Variants in PHF21A observed in about 807,000 individuals in gnomAD.
PHF21A encodes the protein BHC80a.
In PHF21A, 11 loss-of-function variants were observed where a neutral mutation model predicts 82.5. The ratio of observed to expected loss-of-function variants is 0.13; its 90% confidence interval spans 0.08 to 0.22. PHF21A has a LOEUF of 0.22. PHF21A is among the 10% of genes least tolerant of loss of function. PHF21A has a pLI of 1.00. For synonymous variants in PHF21A, 297 were observed against 302.8 expected, an observed-to-expected ratio of 0.98 and a Z score of 0.20; for missense variants, 579 against 837.8, an observed-to-expected ratio of 0.69 and a Z score of 3.81.
At chr11:45,964,574 T>G (rs560671963) in intron 10 of PHF21A, among the ~76,000 whole-genome samples, 2 of 152,310 alleles carry the variant, frequency 1.3e-5, no homozygotes, top group African/African-American at 2.4e-5. Context: ...TAAAGCAACT[T>G]TCTTGAGAGA....
chr11:46,096,142 T>C (rs1028029766), intron 1 of PHF21A, among the ~76,000 whole-genome samples: 1 of 152,088 alleles, frequency 6.6e-6, no homozygotes. Flanking sequence ...GGCCCCAACA[T>C]CTTAATAACC....
intron 6 of PHF21A, among the ~76,000 whole-genome samples, chr11:45,997,053 C>G (rs1286416292): frequency 2.0e-5 from 3 of 152,180 alleles, no homozygotes; most frequent in African/African-American, 7.2e-5. Flanking sequence ...AGATATAAAA[C>G]TATCACAAAA....
At chr11:46,055,747 C>A (rs1323585385) in intron 6 of PHF21A, among the ~76,000 whole-genome samples, 1 of 152,090 alleles carries the variant, frequency 6.6e-6, no homozygotes, top group East Asian at 1.9e-4. Flanking sequence ...CCCTGATTTA[C>A]CTTTAAGGCA....
chr11:46,041,029 C>A (rs2096128252), intron 6 of PHF21A, among the ~76,000 whole-genome samples: 1 of 152,076 alleles, frequency 6.6e-6, no homozygotes, highest in African/African-American at 2.4e-5. Context: ...CATGCCTCTA[C>A]AGTAAATAGG....
Position 46,030,196 on chromosome 11 carries a change from C to T in PHF21A, c.153+46558G>A, listed in dbSNP as rs1382879703. Among the ~76,000 whole-genome samples, 3 of 152,314 alleles carry T rather than the reference C, an allele frequency of 2.0e-5. No homozygotes were observed. In the South Asian group the frequency reaches 6.2e-4, roughly 32 times the overall value. ...GCTACTGCAGGTTTAGAATCCCAGC[C>T]TCTGAAAAGAGCTTATCCAGAGAAT... On this transcript the variant is annotated intron_variant, in intron 6 of 18. Transcript: ENST00000676320.
chr11:46,033,150 C>A (rs1252219967), intron 6 of PHF21A, among the ~76,000 whole-genome samples: 1 of 152,062 alleles, frequency 6.6e-6, no homozygotes, highest in Non-Finnish European at 1.5e-5. Flanking sequence ...ATACATATAC[C>A]TGCAGTTCAT....
chr11:46,006,569 A>G (rs2095301044), intron 6 of PHF21A, among the ~76,000 whole-genome samples: 1 of 152,248 alleles, frequency 6.6e-6, no homozygotes, highest in Non-Finnish European at 1.5e-5. Context: ...CTACACAGGC[A>G]GCTGTCTGCC....
intron 6 of PHF21A, among the ~76,000 whole-genome samples, chr11:46,058,719 T>C (rs2096493163): frequency 6.6e-6 from 1 of 152,208 alleles, no homozygotes; most frequent in South Asian, 2.1e-4. Context: ...CTCTCTGATC[T>C]AGCCATGTCT....
At chr11:45,940,927 A>T (rs2090229958) in intron 15 of PHF21A, among the ~76,000 whole-genome samples, 1 of 152,232 alleles carries the variant, frequency 6.6e-6, no homozygotes, top group Non-Finnish European at 1.5e-5. Flanking sequence ...AGGCAGAAAG[A>T]CAGAAAATAA....
chr11:46,005,398 C>T lies in PHF21A; in HGVS notation c.154-25432G>A, dbSNP rs571930778. On this transcript the variant is annotated intron_variant, in intron 6 of 18. Coordinates refer to ENST00000676320, the MANE Select transcript of PHF21A (RefSeq NM_001352027.3). ...GTAGAATATTTGCACAATATATTAA[C>T]GCCTTGTATATACCAAATAATCTTA... is the stretch of plus-strand genomic sequence containing the variant. Among the ~76,000 whole-genome samples, 25 of 152,226 alleles carry T rather than the reference C, an allele frequency of 1.6e-4. No individual in the cohort carries two copies. The Middle Eastern group carries it at 0.014, about 83-fold the overall frequency.
At chr11:45,966,159 A>G (rs1489321952) in intron 9 of PHF21A, among the ~76,000 whole-genome samples, 1 of 148,580 alleles carries the variant, frequency 6.7e-6, no homozygotes, top group East Asian at 2.0e-4. Context: ...GCTTTTGCCC[A>G]TCTCATGGCT....
At chr11:46,010,946 C>A (rs2095401025) in intron 6 of PHF21A, among the ~76,000 whole-genome samples, 1 of 152,100 alleles carries the variant, frequency 6.6e-6, no homozygotes, top group African/African-American at 2.4e-5. Context: ...ATGATCAAGT[C>A]TCCTCTGTAT....
chr11:46,007,732 C>T (rs908235698), intron 6 of PHF21A, among the ~76,000 whole-genome samples: 3 of 152,120 alleles, frequency 2.0e-5, no homozygotes, highest in African/African-American at 4.8e-5. Flanking sequence ...AATCAAAAAA[C>T]GATGTGAAAG....
In PHF21A at chr11:46,093,279, A is replaced by G. The variant is rs545870503; in HGVS notation, c.-236-1056T>C. 8.5e-5 allele frequency among the ~76,000 whole-genome samples: 13 copies of G among 152,320 alleles called. No homozygotes were observed. In the South Asian group the frequency reaches 2.7e-3, roughly 32 times the overall value. ...ACTACATGTCTTCCTTTTGCCTTAA[A>G]TATGGTGTTTGTTGACTGATATTAC... is the stretch of plus-strand genomic sequence containing the variant. On this transcript the variant is annotated intron_variant, in intron 1 of 18. Coordinates refer to ENST00000676320, the MANE Select transcript of PHF21A (RefSeq NM_001352027.3).
chr11:46,060,832 A>G (rs1474416702), intron 6 of PHF21A, among the ~76,000 whole-genome samples: 2 of 152,112 alleles, frequency 1.3e-5, no homozygotes, highest in Non-Finnish European at 1.5e-5. Context: ...TTTGGATCCC[A>G]TTTGTCAATT....
chr11:46,088,497 A>C (rs2096883121), intron 3 of PHF21A, among the ~76,000 whole-genome samples: 1 of 152,186 alleles, frequency 6.6e-6, no homozygotes, highest in Admixed American at 6.5e-5. Flanking sequence ...TCCCACTAAA[A>C]AGGTCAGCCA....
chr11:46,011,056 C>T (rs1280043670), intron 6 of PHF21A, among the ~76,000 whole-genome samples: 1 of 152,158 alleles, frequency 6.6e-6, no homozygotes, highest in Non-Finnish European at 1.5e-5. Context: ...GTTCCCTTTC[C>T]CCTTTATCAC....
chr11:46,021,259 A>C (rs1213635553), intron 6 of PHF21A, among the ~76,000 whole-genome samples: 1 of 151,860 alleles, frequency 6.6e-6, no homozygotes, highest in Non-Finnish European at 1.5e-5. Context: ...TGGGGGTCTC[A>C]CTCTGTTGCC....
At chr11:46,031,401 C>T (rs1222944673) in intron 6 of PHF21A, among the ~76,000 whole-genome samples, 1 of 152,038 alleles carries the variant, frequency 6.6e-6, no homozygotes, top group Admixed American at 6.6e-5. Context: ...CTTGGATAAA[C>T]AACAACAAAG....
Sources: allele counts gnomAD v4.1 joint callset (sites outside exome capture counted in the v4.1 genomes callset), GRCh38; gene constraint gnomAD v4.1.1; transcripts MANE v1.5; gene names NCBI Gene and HGNC (gene_info 2026-07-23, HGNC 2026-07-21).